EIF3D: variants seen among roughly 807,000 people sequenced by gnomAD.
EIF3D encodes the protein eukaryotic translation initiation factor 3 subunit D.
In EIF3D, 10 loss-of-function variants were observed where a neutral mutation model predicts 75.4. That is an observed-to-expected ratio of 0.13 (90% CI 0.08 to 0.22). EIF3D has a LOEUF of 0.22. Ranked by LOEUF, EIF3D falls within the 10% of genes least tolerant of loss-of-function variation. The pLI, the probability that EIF3D is intolerant of heterozygous loss-of-function variation, is 1.00. For missense variants in EIF3D, 394 were observed against 708.0 expected (o/e 0.56, Z 5.03); for synonymous variants, 246 against 248.3 (o/e 0.99, Z 0.09).
chr22:36,516,379 G>A (rs1292670531), intron 12 of EIF3D, 99 bp downstream of exon 12: 28 of 1,437,364 alleles, frequency 1.9e-5, no homozygotes, highest in Non-Finnish European at 2.5e-5. Context: ...GTAACGAAAG[G>A]GGATAAGAAA....
At chr22:36,523,755 G>C (rs1486080902) in intron 5 of EIF3D, 140 bp downstream of exon 5, 3 of 785,492 alleles carry the variant, frequency 3.8e-6, no homozygotes, top group African/African-American at 3.4e-5. Flanking sequence ...CAAGCTAAAA[G>C]GGGGCTTAAC....
At chr22:36,516,288 C>T in intron 12 of EIF3D, 190 bp downstream of exon 12, 1 of 632,054 alleles carries the variant, frequency 1.6e-6, no homozygotes, top group East Asian at 2.8e-5. Flanking sequence ...TCTACACACA[C>T]AGTCATGCTC....
rs1456304605 is a variant in EIF3D at position 36,511,932 on chromosome 22, C to T, written c.1350-146G>A. 6.5e-6 allele frequency: 9 copies of T among 1,383,124 alleles called. No homozygotes were observed. In the South Asian group the frequency reaches 1.4e-4, roughly 21 times the overall value. The allele number at this position is 1,383,124 out of a possible 1,614,324, so 85.7% of individuals were successfully genotyped here. Reference sequence around the variant, plus strand: ...TTGAGACGGAGTCTGGCTCTGTTGCCCAGGCTGGAGTGCAGTGGCGCCATC... The same window carrying T: ...TTGAGACGGAGTCTGGCTCTGTTGCTCAGGCTGGAGTGCAGTGGCGCCATC... On this transcript the variant is annotated intron_variant, in intron 13 of 14. Transcript: ENST00000216190.
intron 9 of EIF3D, among the ~76,000 whole-genome samples, chr22:36,517,760 T>G (rs1934450354): frequency 6.6e-6 from 1 of 152,190 alleles, no homozygotes; most frequent in Non-Finnish European, 1.5e-5. Flanking sequence ...AAACACTTTT[T>G]TTTTTGAGAT....
chr22:36,511,947 G>A (rs947717153), intron 13 of EIF3D, among the ~76,000 whole-genome samples, 161 bp from the exon 14 acceptor site: 8 of 149,684 alleles, frequency 5.3e-5, no homozygotes, highest in Non-Finnish European at 1.0e-4. Flanking sequence ...CTGGAGTGCA[G>A]TGGCGCCATC....
intron 1 of EIF3D, among the ~76,000 whole-genome samples, chr22:36,527,412 G>A (rs1380217337): frequency 1.3e-5 from 2 of 152,142 alleles, no homozygotes; most frequent in African/African-American, 4.8e-5. Flanking sequence ...TAGCCCTCTT[G>A]GGAATTAAAA....
intron 12 of EIF3D, among the ~76,000 whole-genome samples, chr22:36,515,885 T>A (rs1484974195): frequency 4.1e-5 from 3 of 72,996 alleles, no homozygotes; most frequent in African/African-American, 1.7e-4. Flanking sequence ...TTTCAACAGG[T>A]GATGTGGGCG....
chr22:36,525,371 G>A (rs1934583312), intron 3 of EIF3D, among the ~76,000 whole-genome samples: 1 of 151,012 alleles, frequency 6.6e-6, no homozygotes, highest in South Asian at 2.1e-4. Context: ...AGCCACCCGA[G>A]TAGCTGGGAT....
intron 12 of EIF3D, among the ~76,000 whole-genome samples, chr22:36,514,542 G>C (rs989806553): frequency 2.1e-5 from 3 of 145,716 alleles, no homozygotes; most frequent in African/African-American, 5.1e-5. Context: ...CGGAGACGGA[G>C]GAAGTCAGAG....
chr22:36,519,639 G>C, intron 7 of EIF3D, 102 bp from the exon 8 acceptor site: 1 of 1,517,996 alleles, frequency 6.6e-7, no homozygotes. Flanking sequence ...GTCTAAAAGA[G>C]GTGGAAAGCA....
chr22:36,522,935 T>C (rs1351585846), intron 6 of EIF3D, among the ~76,000 whole-genome samples: 1 of 152,138 alleles, frequency 6.6e-6, no homozygotes, highest in African/African-American at 2.4e-5. Flanking sequence ...CCCAGAACCA[T>C]GAGCTAAAGA....
intron 10 of EIF3D, 75 bp from the exon 11 acceptor site, chr22:36,516,865 C>T: frequency 9.4e-6 from 13 of 1,387,294 alleles, no homozygotes; most frequent in Non-Finnish European, 1.3e-5. Flanking sequence ...AGACCCAGCA[C>T]CTCTGCTTAG....
chr22:36,511,088 G>C lies in EIF3D; in HGVS notation c.1634-88C>G, dbSNP rs1284691420. ...TTTCTGAACCTCTGCTGGACTGTGC[G>C]TGAGTTTTCAACACTTCCATTCCGA... On this transcript the variant is annotated intron_variant, in intron 14 of 14. Transcript: ENST00000216190. 4.7e-6 allele frequency: 7 copies of C among 1,490,364 alleles called. No individual in the cohort carries two copies. In the Admixed American group the frequency reaches 1.4e-4, roughly 29 times the overall value. 92.3% of individuals were successfully genotyped at this position (1,490,364 alleles called of 1,614,324 possible).
At chr22:36,521,917 GAC>G (rs1377723251) in intron 6 of EIF3D, among the ~76,000 whole-genome samples, 1 of 152,082 alleles carries the variant, frequency 6.6e-6, no homozygotes, top group Non-Finnish European at 1.5e-5. Flanking sequence ...CAGCTTGGGT[GAC>G]AGAGTGAGAT....
At chr22:36,511,994 C>T (rs966029112) in intron 13 of EIF3D, among the ~76,000 whole-genome samples, 2 of 151,630 alleles carry the variant, frequency 1.3e-5, no homozygotes, top group Non-Finnish European at 2.9e-5. Flanking sequence ...GGGTTCACAC[C>T]ATTCTCCTGC....
chr22:36,528,421 T>G (rs571459940), intron 1 of EIF3D, among the ~76,000 whole-genome samples: 1 of 113,384 alleles, frequency 8.8e-6, no homozygotes, highest in East Asian at 2.0e-4. Context: ...TTAATAAATG[T>G]TTTTTTTTTT....
intron 12 of EIF3D, among the ~76,000 whole-genome samples, chr22:36,514,685 C>T (rs186450145): frequency 2.0e-3 from 308 of 152,194 alleles, no homozygotes; most frequent in Admixed American, 4.5e-3. Context: ...GGATGGGGGC[C>T]TCAGTCATCT....
rs750832859 is a variant in EIF3D at position 36,518,848 on chromosome 22, A to G, written c.774T>C (p.Cys258=). ...TDAILATLMS[C]TRSVYSWDIV... is the part of the protein sequence containing the mutation. ...TATCCCAGGAATACACTGAGCGGGT[A>G]CAGCTCATCAGCGTGGCCAGGATGG... The change falls in exon 9 of 15, where the codon TGT becomes TGC. Residue 258 remains cysteine (C), a synonymous_variant. Coordinates refer to ENST00000216190, the MANE Select transcript of EIF3D (RefSeq NM_003753.4). The G allele has an allele frequency of 2.0e-5, 33 of 1,614,124 alleles. No individual in the cohort carries two copies. Among genetic ancestry groups the G allele is most frequent in the Non-Finnish European group, 2.8e-5 (33 of 1,180,044 alleles).
Position 36,517,382 on chromosome 22 carries a change from A to G in EIF3D, c.909T>C (p.Gly303=). 1 of 1,613,736 alleles carries G rather than the reference A, an allele frequency of 6.2e-7. No homozygotes were observed. Among genetic ancestry groups the G allele is most frequent in the Non-Finnish European group, 8.5e-7 (1 of 1,179,810 alleles). The part of the protein sequence containing the change: ...ETANEPPQDE[G]NSFNSPRNLA... ...GGTTGCGGGGTGAATTGAAGGAATTACCTTCATCTTGAGGGGGCTCATTGG... is the reference window on the plus strand; with the variant it reads ...GGTTGCGGGGTGAATTGAAGGAATTGCCTTCATCTTGAGGGGGCTCATTGG... The change falls in exon 10 of 15, where the codon GGT becomes GGC. Residue 303 remains glycine, a synonymous_variant. Transcript: ENST00000216190.
Sources: allele counts gnomAD v4.1 joint callset (sites outside exome capture counted in the v4.1 genomes callset), GRCh38; gene constraint gnomAD v4.1.1; transcripts MANE v1.5; gene names NCBI Gene and HGNC (gene_info 2026-07-23, HGNC 2026-07-21).